Variants in FBXO3 observed in about 807,000 individuals in gnomAD.
FBXO3 encodes the protein F-box only protein 3.
In FBXO3, 17 loss-of-function variants were observed where a neutral mutation model predicts 64.8. The observed-to-expected ratio is 0.26, with a 90% CI of 0.18 to 0.39. The LOEUF is 0.39. Among genes scored for constraint, FBXO3 ranks in the 10% least tolerant of loss-of-function variants. FBXO3 has a pLI of 1.00. For synonymous variants in FBXO3, 182 were observed against 201.6 expected (o/e 0.90, Z 0.82); for missense variants, 420 against 589.9 (o/e 0.71, Z 2.98).
At chr11:33,763,342 A>G (rs1421624089) in intron 3 of FBXO3, 1 of 417,400 alleles carries the variant, frequency 2.4e-6, no homozygotes, top group Admixed American at 2.7e-5. Flanking sequence ...ATGAACATAG[A>G]TGTAAAAATT....
chr11:33,768,969 T>C lies in FBXO3; in HGVS notation c.240A>G (p.Ile80Met). ...QKNQCWKSLF[I>M]DTYSDVGRYI... is the part of the protein sequence containing the mutation. ...ATCTTCCTACATCAGAGTAAGTATC[T>C]ATGAAGAGAGATTTCCAACACTGAT... Residue 80 changes from isoleucine to methionine, a missense_variant, in exon 3 of 11, where the codon ATA becomes ATG. Physicochemically the swap from Ile to Met is conservative, Grantham distance 10 (BLOSUM62 1). Around this residue, in one of 3 missense-constraint regions of FBXO3, gnomAD observed 337 missense variants for 518.4 expected, o/e 0.65. Transcript: ENST00000265651. 2.5e-6 allele frequency: 4 copies of C among 1,613,614 alleles called. No homozygotes were observed. The highest frequency in any genetic ancestry group is 3.4e-6 in the Non-Finnish European group (4 of 1,179,728).
intron 3 of FBXO3, among the ~76,000 whole-genome samples, chr11:33,766,516 G>T (rs914721089): frequency 5.9e-5 from 9 of 152,162 alleles, no homozygotes; most frequent in Non-Finnish European, 1.2e-4. Context: ...TTACTGTCTG[G>T]TCCTTTAAAG....
Position 33,768,890 on chromosome 11 carries a change from A to C in FBXO3, c.319T>G (p.Leu107Val). 1 of 1,614,100 alleles carries C rather than the reference A, an allele frequency of 6.2e-7. No homozygotes were observed. Among genetic ancestry groups the C allele is most frequent in the South Asian group, 1.1e-5 (1 of 91,082 alleles). Reference protein sequence around the residue: ...KKAWDDLKKYLEPRCPRMVLS... With the variant: ...KKAWDDLKKYVEPRCPRMVLS... Reference sequence around the variant, plus strand: ...ACCATCCGAGGACACCTGGGCTCCAAATATTTCTTGAGATCATCCCAGGCC... The same window carrying C: ...ACCATCCGAGGACACCTGGGCTCCACATATTTCTTGAGATCATCCCAGGCC... The change falls in exon 3 of 11, where the codon TTG becomes GTG. Residue 107 changes from leucine (L) to valine (V), a missense_variant. Leu to Val is a conservative substitution (Grantham distance 32, BLOSUM62 1). Transcript: ENST00000265651.
intron 10 of FBXO3, chr11:33,742,292 G>T: frequency 5.3e-6 from 2 of 376,036 alleles, no homozygotes; most frequent in South Asian, 1.2e-4. Flanking sequence ...TGCTCAGTGT[G>T]ATTTTTTTGT....
intron 8 of FBXO3, among the ~76,000 whole-genome samples, 161 bp downstream of exon 8, chr11:33,750,378 C>T (rs563337117): frequency 9.2e-5 from 14 of 152,324 alleles, no homozygotes; most frequent in South Asian, 2.1e-4. Context: ...TCAAAGTCCT[C>T]CATGAACACT....
At chr11:33,765,903 C>T (rs186733691) in intron 3 of FBXO3, among the ~76,000 whole-genome samples, 2 of 152,278 alleles carry the variant, frequency 1.3e-5, no homozygotes, top group East Asian at 3.9e-4. Flanking sequence ...TCCCCAGAAG[C>T]AGATGCCACC....
intron 3 of FBXO3, among the ~76,000 whole-genome samples, chr11:33,758,927 A>G (rs1372882358): frequency 3.8e-5 from 2 of 52,500 alleles, no homozygotes; most frequent in Non-Finnish European, 1.0e-4. Flanking sequence ...TATTTAAAAT[A>G]AAAAAAAAAA....
chr11:33,770,039 A>G (rs1160242553), intron 2 of FBXO3, among the ~76,000 whole-genome samples: 2 of 152,160 alleles, frequency 1.3e-5, no homozygotes, highest in Admixed American at 1.3e-4. Context: ...AGTTACCTCT[A>G]TAGTTCTAAA....
At position 33,750,621 on chromosome 11, in the gene FBXO3, T is replaced by C; in HGVS notation, c.850A>G (p.Ile284Val). 3 of 1,613,746 alleles carry C rather than the reference T, an allele frequency of 1.9e-6. No homozygotes were observed. The highest frequency in any genetic ancestry group is 2.2e-5 in the South Asian group (2 of 91,078). Residue 284 changes from isoleucine (I) to valine (V), a missense_variant, in exon 8 of 11, where the codon ATT becomes GTT. Ile to Val is a conservative substitution (Grantham distance 29, BLOSUM62 3). Coordinates refer to ENST00000265651, the MANE Select transcript of FBXO3 (RefSeq NM_012175.4). ...AACGATGTGGAAACTGACACAGTAA[T>C]ATCCCCAGTTGTTGCTACACATTCT... ...DPECVATTGDITVSVSTSFLP... is the reference protein window; with the variant it reads ...DPECVATTGDVTVSVSTSFLP...
chr11:33,748,654 AT>A (rs1180855529), intron 9 of FBXO3, 122 bp downstream of exon 9: 1 of 514,684 alleles, frequency 1.9e-6, no homozygotes, highest in Non-Finnish European at 3.4e-6. Context: ...AGAAAAGTTA[AT>A]GCTTAAGGGA....
chr11:33,744,645 AT>A (rs1854769463), intron 10 of FBXO3: 1 of 152,178 alleles, frequency 6.6e-6, no homozygotes, highest in African/African-American at 2.4e-5. Context: ...TTCTCATTTT[AT>A]TTCTCATCCT....
Position 33,769,008 on chromosome 11 carries a change from C to G in FBXO3, c.201G>C (p.Glu67Asp), listed in dbSNP as rs1216631871. Residue 67 changes from glutamate to aspartate, a missense_variant, in exon 3 of 11, where the codon GAG (glutamate) becomes GAC (aspartate). Physicochemically the swap from Glu to Asp is conservative, Grantham distance 45. Transcript: ENST00000265651. ...CKKYWLISEE[E>D]KTQKNQCWKS... is the part of the protein sequence containing the mutation. The stretch of plus-strand genomic sequence containing the variant: ...TCCAACACTGATTCTTCTGTGTTTT[C>G]TCTTCCCTAAATAGATGAAAAACAT... 6.2e-6 allele frequency: 10 copies of G among 1,609,416 alleles called. No individual in the cohort carries two copies. The highest frequency in any genetic ancestry group is 8.5e-6 in the Non-Finnish European group (10 of 1,178,114).
chr11:33,752,669 G>A (rs1051275897), intron 6 of FBXO3, among the ~76,000 whole-genome samples: 2 of 152,096 alleles, frequency 1.3e-5, no homozygotes, highest in African/African-American at 4.8e-5. Flanking sequence ...AAACACTATT[G>A]TATTCAAGGT....
chr11:33,767,435 G>A (rs1410979408), intron 3 of FBXO3, among the ~76,000 whole-genome samples: 3 of 152,328 alleles, frequency 2.0e-5, no homozygotes, highest in East Asian at 1.9e-4. Flanking sequence ...GAGTAGCTGG[G>A]ACTACAGGCG....
chr11:33,756,846 T>C (rs1855109058), intron 4 of FBXO3, among the ~76,000 whole-genome samples: 1 of 152,176 alleles, frequency 6.6e-6, no homozygotes, highest in Non-Finnish European at 1.5e-5. Context: ...CCACAGCTCC[T>C]GAGTAGCTGG....
At chr11:33,754,218 G>C in intron 6 of FBXO3, 1 of 401,256 alleles carries the variant, frequency 2.5e-6, no homozygotes, top group East Asian at 3.9e-5. Context: ...TTATAGAAGA[G>C]TCCTCAGAGC....
chr11:33,749,520 C>A (rs565734463), intron 8 of FBXO3, among the ~76,000 whole-genome samples: 3 of 152,134 alleles, frequency 2.0e-5, no homozygotes, highest in Non-Finnish European at 4.4e-5. Flanking sequence ...TGCCACCACA[C>A]CTGGCTAATT....
chr11:33,744,130 T>C (rs1002820812), intron 10 of FBXO3: 1 of 152,132 alleles, frequency 6.6e-6, no homozygotes, highest in African/African-American at 2.4e-5. Flanking sequence ...TTTTTTAATC[T>C]AAGGAATGAA....
intron 2 of FBXO3, among the ~76,000 whole-genome samples, chr11:33,770,118 G>A (rs887070400): frequency 1.1e-4 from 16 of 151,980 alleles, no homozygotes; most frequent in African/African-American, 3.9e-4. Flanking sequence ...GGGAAACACG[G>A]GAAGATCTAG....
Sources: gnomAD v4.1 joint callset for allele counts (sites outside exome capture counted in the v4.1 genomes callset) on GRCh38, gnomAD v4.1.1 for gene constraint, gnomAD v4.1.1 regional missense constraint, MANE v1.5 for transcripts, NCBI Gene and HGNC (gene_info 2026-07-23, HGNC 2026-07-21) for gene names.